The following CNTNAP2 variants were observed in gnomAD, a reference collection of about 807,000 sequenced individuals.
CNTNAP2 encodes the protein contactin associated protein 2.
CNTNAP2 carries 98 observed loss-of-function variants against 155.2 expected under a neutral mutation model. The ratio of observed to expected loss-of-function variants is 0.63; its 90% CI spans 0.54 to 0.75. CNTNAP2 has a LOEUF of 0.75. Among genes scored for constraint, CNTNAP2 ranks in the 30% least tolerant of loss-of-function variants. The probability of loss-of-function intolerance (pLI) is 0.00; values close to 1 mark genes in which losing one functional copy is unlikely to be tolerated. For synonymous variants in CNTNAP2, 651 were observed against 631.2 expected (o/e 1.03, Z -0.47); for missense variants, 1,727 against 1,688.1 (o/e 1.02, Z -0.40).
intron 1 of CNTNAP2, among the ~76,000 whole-genome samples, chr7:146,630,049 G>A (rs1166599318): frequency 6.6e-6 from 1 of 151,706 alleles, no homozygotes; most frequent in Non-Finnish European, 1.5e-5. Flanking sequence ...TGTTACCTAG[G>A]TGGTTTGCTG....
intron 1 of CNTNAP2, among the ~76,000 whole-genome samples, chr7:146,629,191 A>C (rs750261332): frequency 6.6e-6 from 1 of 152,278 alleles, no homozygotes; most frequent in African/African-American, 2.4e-5. Flanking sequence ...AAGTTGGCAG[A>C]GGGCTGCCTC....
chr7:147,735,390 T>A (rs1390485352), intron 13 of CNTNAP2, among the ~76,000 whole-genome samples: 1 of 152,166 alleles, frequency 6.6e-6, no homozygotes, highest in Non-Finnish European at 1.5e-5. Flanking sequence ...TGAGAGACAG[T>A]TTATTATAAT....
chr7:147,762,155 T>TCACACACACACACACACA lies in CNTNAP2; in HGVS notation c.2098+122865_2098+122882dup, dbSNP rs72526174. 1.3e-4 allele frequency among the ~76,000 whole-genome samples: 19 copies of TCACACACACACACACACA among 144,446 alleles called. No homozygotes were observed. In the South Asian group the frequency reaches 3.8e-3, roughly 29 times the overall value. The allele number at this position is 144,446 out of a possible 152,430, so 94.8% of individuals were successfully genotyped here. A position where few individuals can be genotyped will look rare whatever the true frequency, so the allele number is the denominator to read the frequency against. ...GTTTCTCTCTCTCTCTCTCTCTGTC[T>TCACACACACACACACACA]CACACACACACACACACACACACAC... On this transcript the variant is annotated intron_variant, in intron 13 of 23. Transcript: ENST00000361727.
At chr7:147,525,410 A>G (rs1368142116) in intron 11 of CNTNAP2, among the ~76,000 whole-genome samples, 1 of 152,204 alleles carries the variant, frequency 6.6e-6, no homozygotes, top group Non-Finnish European at 1.5e-5. Flanking sequence ...AATAGAGACA[A>G]ATATAAGGAA....
intron 8 of CNTNAP2, among the ~76,000 whole-genome samples, chr7:147,296,321 T>C (rs2620439): frequency 0.48 from 72,954 of 152,076 alleles, 18,212 homozygotes; most frequent in East Asian, 0.76. Context: ...AATGCTATGG[T>C]GAAGATAGGG....
At chr7:146,482,715 C>T (rs1305648031) in intron 1 of CNTNAP2, among the ~76,000 whole-genome samples, 1 of 151,418 alleles carries the variant, frequency 6.6e-6, no homozygotes, top group African/African-American at 2.4e-5. Context: ...TGCACTCCAG[C>T]CCGGTGACAG....
At chr7:147,239,465 G>C (rs1196634898) in intron 8 of CNTNAP2, among the ~76,000 whole-genome samples, 1 of 149,722 alleles carries the variant, frequency 6.7e-6, no homozygotes, top group African/African-American at 2.5e-5. Flanking sequence ...AGCTGAGATT[G>C]CGCCACTGCA....
chr7:147,036,197 A>G (rs529595596), intron 3 of CNTNAP2, among the ~76,000 whole-genome samples: 37 of 152,200 alleles, frequency 2.4e-4, no homozygotes, highest in Non-Finnish European at 4.6e-4. Flanking sequence ...AGGAAGAATA[A>G]TAATATGGGA....
At chr7:146,625,721 G>T (rs1799407937) in intron 1 of CNTNAP2, among the ~76,000 whole-genome samples, 1 of 151,926 alleles carries the variant, frequency 6.6e-6, no homozygotes, top group Admixed American at 6.6e-5. Flanking sequence ...ACAAAAGGTT[G>T]GTTTTCAAAA....
intron 3 of CNTNAP2, among the ~76,000 whole-genome samples, chr7:146,942,894 G>C (rs1797084925): frequency 2.6e-5 from 4 of 152,088 alleles, no homozygotes; most frequent in African/African-American, 9.7e-5. Context: ...TATTATAAAT[G>C]ATTGGGAATA....
chr7:147,941,540 A>G (rs969083531), intron 14 of CNTNAP2, among the ~76,000 whole-genome samples: 3 of 152,156 alleles, frequency 2.0e-5, no homozygotes, highest in South Asian at 2.1e-4. Flanking sequence ...GCAGACAGAA[A>G]ATAGCTCTGT....
intron 1 of CNTNAP2, among the ~76,000 whole-genome samples, chr7:146,480,684 TTC>T (rs1277490448): frequency 1.4e-5 from 2 of 142,126 alleles, no homozygotes; most frequent in African/African-American, 5.3e-5. Flanking sequence ...ATTTTTTTTT[TTC>T]CTTTTTTTTT....
At chr7:147,533,776 G>A (rs550820170) in intron 11 of CNTNAP2, among the ~76,000 whole-genome samples, 1 of 151,342 alleles carries the variant, frequency 6.6e-6, no homozygotes, top group Non-Finnish European at 1.5e-5. Context: ...ACAGGGCATT[G>A]GTAAGAATAG....
intron 1 of CNTNAP2, among the ~76,000 whole-genome samples, chr7:146,721,002 C>CTATCTATATACTCTATATAT (rs1801284785): frequency 1.1e-5 from 1 of 91,752 alleles, no homozygotes; most frequent in African/African-American, 8.5e-5. Context: ...TATATATAGT[C>CTATCTATATACTCTATATAT]TATATATATA....
intron 8 of CNTNAP2, among the ~76,000 whole-genome samples, chr7:147,193,006 C>T (rs1311878202): frequency 3.3e-5 from 5 of 152,100 alleles, no homozygotes; most frequent in East Asian, 1.9e-4. Flanking sequence ...TGGAAAAAAA[C>T]GCCTTGCAAA....
chr7:147,245,862 TCTTCAGGA>T (rs1313230209), intron 8 of CNTNAP2, among the ~76,000 whole-genome samples: 1 of 151,232 alleles, frequency 6.6e-6, no homozygotes, highest in African/African-American at 2.4e-5. Context: ...TAGTCATTGT[TCTTCAGGA>T]AAACAGAACC....
At chr7:148,161,060 A>G (rs761902763) in intron 17 of CNTNAP2, among the ~76,000 whole-genome samples, 4 of 152,160 alleles carry the variant, frequency 2.6e-5, no homozygotes, top group Non-Finnish European at 5.9e-5. Context: ...TCTGCCATTC[A>G]GCCCCTCCAA....
intron 1 of CNTNAP2, among the ~76,000 whole-genome samples, chr7:146,523,157 C>T (rs1230828361): frequency 6.6e-6 from 1 of 151,930 alleles, no homozygotes. Flanking sequence ...CCCACGCTTT[C>T]CCCCAAGTCC....
intron 1 of CNTNAP2, among the ~76,000 whole-genome samples, chr7:146,400,162 G>A (rs923316107): frequency 7.2e-5 from 11 of 151,796 alleles, no homozygotes; most frequent in African/African-American, 2.7e-4. Flanking sequence ...TCCTCAGTCT[G>A]AACTGTTCCA....
Sources: gnomAD v4.1 joint callset for allele counts (sites outside exome capture counted in the v4.1 genomes callset) on GRCh38, gnomAD v4.1.1 for gene constraint, MANE v1.5 for transcripts, NCBI Gene and HGNC (gene_info 2026-07-23, HGNC 2026-07-21) for gene names.